CD300LD: variants seen among roughly 807,000 people sequenced by gnomAD.
CD300LD encodes CD300 molecule like family member d.
Under a neutral mutation model 20.3 loss-of-function variants are expected in CD300LD, and 18 were observed. The observed-to-expected ratio is 0.89, with a 90% CI of 0.61 to 1.32. The LOEUF (loss-of-function observed/expected upper bound fraction) is 1.32. Ranked by LOEUF, CD300LD falls within the 40% of genes most tolerant of loss-of-function variation. CD300LD has a pLI of 0.00. For synonymous variants in CD300LD, 104 were observed against 90.1 expected, an observed-to-expected ratio of 1.15 and a Z score of -0.87; for missense variants, 195 against 226.6, an observed-to-expected ratio of 0.86 and a Z score of 0.90.
At chr17:74,588,473 G>C (rs760913950) in intron 2 of CD300LD, 38 bp downstream of exon 2, 23 of 1,368,884 alleles carry the variant, frequency 1.7e-5, no homozygotes, top group Admixed American at 5.3e-5. Flanking sequence ...GACAGAGCAG[G>C]ACCTGAGAGA....
At position 74,579,521 on chromosome 17, in the gene CD300LD, G is replaced by A. The variant is rs888513718; in HGVS notation, c.*481C>T. ...AGGTGGCACGGCTGCAGGAGATAGG[G>A]GACTAGGAGGCTGTTCCCTGAAGCT... On this transcript the variant is annotated 3_prime_UTR_variant, in exon 4 of 4. Coordinates refer to ENST00000375352, the MANE Select transcript of CD300LD (RefSeq NM_001115152.2). 14 of 157,190 alleles carry A rather than the reference G, an allele frequency of 8.9e-5. No individual in the cohort carries two copies. Among genetic ancestry groups the A allele is most frequent in the African/African-American group, 2.6e-4 (11 of 41,578 alleles). 9.7% of individuals were successfully genotyped at this position (157,190 alleles called of 1,614,324 possible).
At chr17:74,587,586 C>T (rs986929249) in intron 2 of CD300LD, among the ~76,000 whole-genome samples, 68 of 152,202 alleles carry the variant, frequency 4.5e-4, no homozygotes, top group Middle Eastern at 3.4e-3. Context: ...TCATTGTGGT[C>T]TTAATATTAT....
chr17:74,580,640 AC>A (rs2030012633), intron 3 of CD300LD, among the ~76,000 whole-genome samples: 1 of 151,990 alleles, frequency 6.6e-6, no homozygotes, highest in Non-Finnish European at 1.5e-5. Context: ...AAGGCCCAGA[AC>A]CTTATTGACC....
intron 3 of CD300LD, among the ~76,000 whole-genome samples, chr17:74,581,718 T>C (rs893910419): frequency 6.6e-6 from 1 of 152,340 alleles, no homozygotes; most frequent in South Asian, 2.1e-4. Flanking sequence ...CGATATGCCC[T>C]CTTGACCCCA....
In CD300LD at chr17:74,588,522, G is replaced by C. The variant is rs746716913; in HGVS notation, c.368C>G (p.Thr123Ser). Reference sequence around the variant, plus strand: ...ACACTCCCTCTTACCTGGGTTAATGGTCACTTGAACTTTGACCCCAAGATC... The same window carrying C: ...ACACTCCCTCTTACCTGGGTTAATGCTCACTTGAACTTTGACCCCAAGATC... ...GIDLGVKVQV[T>S]INPGTQTAVS... The change falls in exon 2 of 4, where the codon ACC (threonine) becomes AGC (serine). Residue 123 changes from threonine (T) to serine (S), a missense_variant. Thr to Ser is a moderately conservative substitution (Grantham distance 58). Transcript: ENST00000375352. 6.2e-7 allele frequency: 1 copy of C among 1,608,720 alleles called. No homozygotes were observed. The highest frequency in any genetic ancestry group is 8.5e-7 in the Non-Finnish European group (1 of 1,176,372).
chr17:74,582,380 G>C (rs555985191), intron 2 of CD300LD, 69 bp from the exon 3 acceptor site: 3 of 1,321,864 alleles, frequency 2.3e-6, no homozygotes, highest in African/African-American at 1.5e-5. Flanking sequence ...TGGCCCTAAG[G>C]CTTCTCCACC....
rs1387942009 is a variant in CD300LD at position 74,588,758 on chromosome 17, G to A, written c.132C>T (p.Gly44=). The A allele has an allele frequency of 6.2e-7, 1 of 1,614,020 alleles. No homozygotes were observed. The highest frequency in any genetic ancestry group is 8.5e-7 in the Non-Finnish European group (1 of 1,180,018). ...ACCGCCACTTCAAGTAGGTCTCCCA[G>A]CCTGAGCCATAAGCACACTGCACAG... ...SLTVQCAYGS[G]WETYLKWRCQ... is the part of the protein sequence containing the mutation. The change falls in exon 2 of 4, where the codon GGC becomes GGT. Residue 44 remains glycine (G), a synonymous_variant. Coordinates refer to ENST00000375352, the MANE Select transcript of CD300LD (RefSeq NM_001115152.2).
chr17:74,581,882 G>A (rs542379236), intron 3 of CD300LD, among the ~76,000 whole-genome samples: 4 of 152,292 alleles, frequency 2.6e-5, no homozygotes, highest in South Asian at 2.1e-4. Context: ...GCAGGCCATC[G>A]GAGGTTTGCA....
At chr17:74,590,529 G>T (rs1157470696) in intron 1 of CD300LD, 1 of 152,054 alleles carries the variant, frequency 6.6e-6, no homozygotes, top group Non-Finnish European at 1.5e-5. Flanking sequence ...GGTCACCATG[G>T]TGGGAGCGGA....
rs1361357134 is a variant in CD300LD, at chr17:74,579,998, T to C, written c.*4A>G. Reference sequence around the variant, plus strand: ...CTCTCATCATCGGGCTGACTCCTCCTCCTTCAAGACCTTCTTTGTGGTCTG... The same window carrying C: ...CTCTCATCATCGGGCTGACTCCTCCCCCTTCAAGACCTTCTTTGTGGTCTG... On this transcript the variant is annotated 3_prime_UTR_variant, in exon 4 of 4. Coordinates refer to ENST00000375352, the MANE Select transcript of CD300LD (RefSeq NM_001115152.2). 5 of 1,601,082 alleles carry C rather than the reference T, an allele frequency of 3.1e-6. No individual in the cohort carries two copies. The highest frequency in any genetic ancestry group is 3.4e-6 in the Non-Finnish European group (4 of 1,170,416).
intron 2 of CD300LD, among the ~76,000 whole-genome samples, chr17:74,584,262 C>T (rs1259766519): frequency 6.6e-6 from 1 of 152,128 alleles, no homozygotes; most frequent in African/African-American, 2.4e-5. Context: ...AAACTCTTTT[C>T]CCAGGTGGTT....
Position 74,580,069 on chromosome 17 carries a change from T to C in CD300LD, c.518A>G (p.Glu173Gly). The C allele has an allele frequency of 6.2e-7, 1 of 1,613,422 alleles. No individual in the cohort carries two copies. The highest frequency in any genetic ancestry group is 8.5e-7 in the Non-Finnish European group (1 of 1,179,698). Reference sequence around the variant, plus strand: ...CAGCATGCTCAGGAGCAGAGGCAGCTCCAGGAGGAACAGGAACAGGAAGTG... The same window carrying C: ...CAGCATGCTCAGGAGCAGAGGCAGCCCCAGGAGGAACAGGAACAGGAAGTG... Reference protein sequence around the residue: ...STHFLFLFLLELPLLLSMLGT... With the variant: ...STHFLFLFLLGLPLLLSMLGT... The change falls in exon 4 of 4, where the codon GAG becomes GGG. Residue 173 changes from glutamate to glycine, a missense_variant. Glu to Gly is a moderately conservative substitution (Grantham distance 98). Transcript: ENST00000375352.
rs77661797 is a variant in CD300LD, at chr17:74,590,094, G to T, written c.41-1245C>A. On this transcript the variant is annotated intron_variant, in intron 1 of 3. Transcript: ENST00000375352. Reference sequence around the variant, plus strand: ...TTTCCACATGTTGTGGGGGGCACCAGTTGGGAGTTAATTGAATCATGGGGC... The same window carrying T: ...TTTCCACATGTTGTGGGGGGCACCATTTGGGAGTTAATTGAATCATGGGGC... Among the ~76,000 whole-genome samples the T allele has an allele frequency of 2.2e-4, 34 of 152,336 alleles. No individual in the cohort carries two copies. The East Asian group carries it at 6.4e-3, about 29-fold the overall frequency.
At chr17:74,585,025 T>C (rs1416843649) in intron 2 of CD300LD, 1 of 152,180 alleles carries the variant, frequency 6.6e-6, no homozygotes, top group African/African-American at 2.4e-5. Context: ...AATGGGAAGT[T>C]TTCTGAATAA....
chr17:74,581,160 G>A (rs2030026066), intron 3 of CD300LD, among the ~76,000 whole-genome samples: 1 of 151,638 alleles, frequency 6.6e-6, no homozygotes, highest in Admixed American at 6.6e-5. Context: ...AAAGCATGGA[G>A]GAGGAAAAAA....
At chr17:74,580,412 C>T (rs2030007785) in intron 3 of CD300LD, among the ~76,000 whole-genome samples, 1 of 152,230 alleles carries the variant, frequency 6.6e-6, no homozygotes, top group Non-Finnish European at 1.5e-5. Context: ...GTTTAGCATT[C>T]CCTGTCTCTA....
At chr17:74,587,104 G>A (rs1399887612) in intron 2 of CD300LD, among the ~76,000 whole-genome samples, 5 of 151,772 alleles carry the variant, frequency 3.3e-5, no homozygotes, top group Non-Finnish European at 1.5e-5. Flanking sequence ...AGCCGAGATC[G>A]TGCCATTGCA....
intron 1 of CD300LD, among the ~76,000 whole-genome samples, chr17:74,590,321 A>G (rs1187984089): frequency 6.6e-6 from 1 of 151,992 alleles, no homozygotes; most frequent in Non-Finnish European, 1.5e-5. Context: ...TTTCTGTGTA[A>G]TTTACTCAGT....
intron 1 of CD300LD, among the ~76,000 whole-genome samples, chr17:74,591,259 A>ATAAT (rs1284859773): frequency 6.2e-5 from 7 of 112,820 alleles, no homozygotes; most frequent in South Asian, 3.0e-4. Flanking sequence ...ACAAAAAAAA[A>ATAAT]AAAAATAAAA....
Sources: allele counts gnomAD v4.1 joint callset (sites outside exome capture counted in the v4.1 genomes callset), GRCh38; gene constraint gnomAD v4.1.1; transcripts MANE v1.5; gene names NCBI Gene and HGNC (gene_info 2026-07-23, HGNC 2026-07-21).